The following BCAS4 variants were observed in gnomAD, a reference collection of about 807,000 sequenced individuals.
BCAS4 encodes breast carcinoma amplified sequence 4, also known as breast carcinoma-amplified sequence 4.
BCAS4 carries 9 observed loss-of-function variants against 15.7 expected under a neutral mutation model. That is an observed-to-expected ratio of 0.57 (90% CI 0.34 to 1.00). The LOEUF (loss-of-function observed/expected upper bound fraction) is 1.00, where lower values mean the gene tolerates loss of function less well. Among genes scored for constraint, BCAS4 ranks in the 50% least tolerant of loss-of-function variants. The probability of loss-of-function intolerance (pLI) is 0.02; values close to 1 mark genes in which losing one functional copy is unlikely to be tolerated. For missense variants in BCAS4, 225 were observed against 239.1 expected (o/e 0.94, Z 0.39); for synonymous variants, 101 against 99.5 (o/e 1.02, Z -0.09).
At chr20:50,841,674 A>G in intron 3 of BCAS4, 92 bp from the exon 4 acceptor site, 1 of 1,548,022 alleles carries the variant, frequency 6.5e-7, no homozygotes. Flanking sequence ...CAGTGATGAA[A>G]GGCCTGGAGT....
At chr20:50,876,388 T>C (rs1979941957) in intron 4 of BCAS4, 98 bp from the exon 5 acceptor site, 3 of 1,502,166 alleles carry the variant, frequency 2.0e-6, no homozygotes, top group Admixed American at 1.9e-5. Context: ...TGGTCATATG[T>C]GTGAGTCCTG....
chr20:50,842,752 C>G (rs1163721673), intron 4 of BCAS4, among the ~76,000 whole-genome samples: 1 of 152,024 alleles, frequency 6.6e-6, no homozygotes, highest in East Asian at 1.9e-4. Flanking sequence ...AAGACGGAGG[C>G]TCGGGGAAGG....
At chr20:50,856,856 G>A (rs943398130) in intron 4 of BCAS4, among the ~76,000 whole-genome samples, 3 of 152,148 alleles carry the variant, frequency 2.0e-5, no homozygotes, top group Non-Finnish European at 2.9e-5. Flanking sequence ...ATTGATTGAT[G>A]AGTCACATCA....
chr20:50,835,957 G>T (rs984083067), intron 3 of BCAS4, among the ~76,000 whole-genome samples: 1 of 150,536 alleles, frequency 6.6e-6, no homozygotes, highest in African/African-American at 2.4e-5. Flanking sequence ...TCGCTCTGTC[G>T]CCCAGGCTGG....
chr20:50,832,666 G>C (rs2088358360), intron 3 of BCAS4: 3 of 152,340 alleles, frequency 2.0e-5, no homozygotes. Flanking sequence ...AGGCTCTGGG[G>C]AGAATCTTTG....
chr20:50,875,619 A>AG (rs939341913), intron 4 of BCAS4, among the ~76,000 whole-genome samples: 5 of 151,322 alleles, frequency 3.3e-5, no homozygotes, highest in South Asian at 2.1e-4. Flanking sequence ...AAAAAAAAAA[A>AG]AAAGAAAAAA....
chr20:50,829,711 G>A (rs2123790629), intron 2 of BCAS4, among the ~76,000 whole-genome samples: 1 of 152,038 alleles, frequency 6.6e-6, no homozygotes. Context: ...CAGTGATCAA[G>A]GGAAAAATAT....
At chr20:50,820,844 CCA>C (rs1477011992) in intron 2 of BCAS4, among the ~76,000 whole-genome samples, 2 of 152,172 alleles carry the variant, frequency 1.3e-5, no homozygotes. Flanking sequence ...AATCCTGAGG[CCA>C]CACACAGATG....
Position 50,810,838 on chromosome 20 carries a change from C to A in BCAS4, c.91-7373C>A, listed in dbSNP as rs948488163. On this transcript the variant is annotated intron_variant, in intron 1 of 4. Transcript: ENST00000371608. ...ATCTCCTGACTTTGTGATCTGTCCGCCTCGGCCCCTCAAAGTGCTGGGATT... is the reference window on the plus strand; with the variant it reads ...ATCTCCTGACTTTGTGATCTGTCCGACTCGGCCCCTCAAAGTGCTGGGATT... Among the ~76,000 whole-genome samples, 3 of 152,180 alleles carry A rather than the reference C, an allele frequency of 2.0e-5. No homozygotes were observed. The East Asian group carries it at 5.8e-4, about 29-fold the overall frequency.
rs547211772 is a variant in BCAS4 at position 50,824,745 on chromosome 20, G to A, written c.163-5534G>A. ...ACTGGGGTTAACAAAAGTGGCAGCT[G>A]CCACTCAGCTCCAGCTGATTGTTGC... On this transcript the variant is annotated intron_variant, in intron 2 of 4. Transcript: ENST00000371608. 3.5e-4 allele frequency among the ~76,000 whole-genome samples: 54 copies of A among 152,294 alleles called. 1 individual carries two copies. Among genetic ancestry groups the A allele is most frequent in the Admixed American group, 1.8e-3 (28 of 15,288 alleles).
intron 4 of BCAS4, among the ~76,000 whole-genome samples, chr20:50,863,120 A>G (rs1202331219): frequency 6.6e-6 from 1 of 151,628 alleles, no homozygotes; most frequent in Non-Finnish European, 1.5e-5. Context: ...ATGAGCCACC[A>G]TGCCTGGCGA....
At chr20:50,855,555 G>A (rs990738516) in intron 4 of BCAS4, among the ~76,000 whole-genome samples, 1 of 151,944 alleles carries the variant, frequency 6.6e-6, no homozygotes, top group African/African-American at 2.4e-5. Context: ...AGACCTTCCT[G>A]GGACCCCTTC....
Position 50,840,954 on chromosome 20 carries a change from C to T in BCAS4, c.265-812C>T, listed in dbSNP as rs540340247. The T allele has an allele frequency of 2.0e-4, 102 of 520,578 alleles. 2 individuals are homozygous for T. The highest frequency in any genetic ancestry group is 1.8e-3 in the South Asian group (89 of 49,148). 32.2% of individuals were successfully genotyped at this position (520,578 alleles called of 1,614,324 possible). ...AAGTAATTTTCCTGTCTCAGCCTCC[C>T]GAGTAGCTGGGATTACGGGCATGTG... is the stretch of plus-strand genomic sequence containing the variant. On this transcript the variant is annotated intron_variant, in intron 3 of 4. Transcript: ENST00000371608.
At chr20:50,794,988 C>T (rs760346112), upstream of BCAS4, 35 of 1,277,422 alleles carry the variant, frequency 2.7e-5, no homozygotes, top group East Asian at 9.1e-4. Context: ...AGGCGGTCCG[C>T]GGGGCATGCA....
Position 50,872,617 on chromosome 20 carries a change from C to A in BCAS4, c.400-3869C>A, listed in dbSNP as rs1222591783. 2.0e-5 allele frequency among the ~76,000 whole-genome samples: 3 copies of A among 152,058 alleles called. No homozygotes were observed. In the East Asian group the frequency reaches 5.8e-4, roughly 29 times the overall value. On this transcript the variant is annotated intron_variant, in intron 4 of 4. Coordinates refer to ENST00000371608, the MANE Select transcript of BCAS4 (RefSeq NM_198799.4). Reference sequence around the variant, plus strand: ...AAAGAAAAAAATCAAGATGCTAGCACCCCAAGGGGAAATGGACAGACAGGC... The same window carrying A: ...AAAGAAAAAAATCAAGATGCTAGCAACCCAAGGGGAAATGGACAGACAGGC...
chr20:50,861,724 C>T (rs987155503), intron 4 of BCAS4, among the ~76,000 whole-genome samples: 3 of 152,120 alleles, frequency 2.0e-5, no homozygotes, highest in African/African-American at 2.4e-5. Flanking sequence ...CCAGCCTGGC[C>T]GCTCATCCCT....
At chr20:50,857,980 C>T (rs1978854292) in intron 4 of BCAS4, among the ~76,000 whole-genome samples, 1 of 152,136 alleles carries the variant, frequency 6.6e-6, no homozygotes. Context: ...TTCCATCCAC[C>T]TCCATGCCCA....
chr20:50,803,963 G>GAA (rs1226524688), intron 1 of BCAS4, among the ~76,000 whole-genome samples: 4 of 152,138 alleles, frequency 2.6e-5, no homozygotes, highest in Non-Finnish European at 5.9e-5. Flanking sequence ...TGGTCTGTTG[G>GAA]AAAATCACTC....
chr20:50,874,514 T>A (rs1979825628), intron 4 of BCAS4, among the ~76,000 whole-genome samples: 1 of 152,232 alleles, frequency 6.6e-6, no homozygotes, highest in Non-Finnish European at 1.5e-5. Flanking sequence ...GGTGGCATTG[T>A]TTCTCCTGGT....
Sources: gnomAD v4.1 joint callset for allele counts (sites outside exome capture counted in the v4.1 genomes callset) on GRCh38, gnomAD v4.1.1 for gene constraint, MANE v1.5 for transcripts, NCBI Gene and HGNC (gene_info 2026-07-23, HGNC 2026-07-21) for gene names.